The following SOD1 variants were observed in gnomAD, a reference collection of about 807,000 sequenced individuals.
SOD1 encodes the protein superoxide dismutase [Cu-Zn].
SOD1 carries 8 observed loss-of-function variants against 15.9 expected under a neutral mutation model. The ratio of observed to expected loss-of-function variants is 0.50; its 90% CI spans 0.30 to 0.91. The LOEUF is 0.91. Ranked by LOEUF, SOD1 falls within the 40% of genes least tolerant of loss-of-function variation. The pLI is 0.07. For synonymous variants in SOD1, 86 were observed against 71.2 expected (o/e 1.21, Z -1.04); for missense variants, 137 against 194.5 (o/e 0.70, Z 1.76).
rs549744846 is a variant in SOD1, at chr21:31,667,730, A to T, written c.357+355A>T. 4.6e-5 allele frequency among the ~76,000 whole-genome samples: 7 copies of T among 152,278 alleles called. No individual in the cohort carries two copies. The South Asian group carries it at 1.2e-3, about 27-fold the overall frequency. On this transcript the variant is annotated intron_variant, in intron 4 of 4. Transcript: ENST00000270142. ...TTGTTAAGTTTAAAACCTGGGATGG[A>T]CTTAAGTATTCATGTTCATTCATGT...
intron 2 of SOD1, among the ~76,000 whole-genome samples, 195 bp downstream of exon 2, chr21:31,664,081 A>T (rs981984855): frequency 2.6e-5 from 4 of 151,984 alleles, no homozygotes; most frequent in African/African-American, 9.7e-5. Context: ...GGCTCCATTG[A>T]TCCTCATGCC....
At chr21:31,667,400 A>G (rs1568810850) in intron 4 of SOD1, 25 bp downstream of exon 4, 3 of 1,452,594 alleles carry the variant, frequency 2.1e-6, no homozygotes, top group Non-Finnish European at 2.9e-6. Flanking sequence ...AAGGATATGC[A>G]TAAAACTTCT....
At chr21:31,666,877 T>A in intron 3 of SOD1, 30 of 374,578 alleles carry the variant, frequency 8.0e-5, no homozygotes, top group East Asian at 1.7e-4. Flanking sequence ...AAAAAAAAAA[T>A]TGATACTGAA....
At chr21:31,660,959 C>T (rs1254033412) in intron 1 of SOD1, among the ~76,000 whole-genome samples, 1 of 152,188 alleles carries the variant, frequency 6.6e-6, no homozygotes, top group Non-Finnish European at 1.5e-5. Context: ...AACTTCTGAA[C>T]GACTCTTGTA....
chr21:31,660,383 G>A (rs2049538214), intron 1 of SOD1: 1 of 152,242 alleles, frequency 6.6e-6, no homozygotes, highest in Admixed American at 6.5e-5. Context: ...ACAGCTCTAA[G>A]GCTAGGAATG....
intron 3 of SOD1, 197 bp from the exon 4 acceptor site, chr21:31,667,061 A>G (rs2049599816): frequency 1.6e-6 from 1 of 618,204 alleles, no homozygotes; most frequent in Admixed American, 2.5e-5. Context: ...GTACTTCTGA[A>G]ATCAGGTGCA....
intron 3 of SOD1, 57 bp from the exon 4 acceptor site, chr21:31,667,201 C>T (rs2049601364): frequency 1.5e-6 from 2 of 1,346,062 alleles, no homozygotes; most frequent in Non-Finnish European, 2.1e-6. Context: ...AGCTCATGAA[C>T]TACCTTGATG....
rs1395498224 is a variant in SOD1 at position 31,668,524 on chromosome 21, G to A, written c.411G>A (p.Lys137=). ...AAGGTGGAAATGAAGAAAGTACAAA[G>A]ACAGGAAACGCTGGAAGTCGTTTGG... ...LGKGGNEEST[K]TGNAGSRLAC... is the part of the protein sequence containing the mutation. The change falls in exon 5 of 5, where the codon AAG becomes AAA. Residue 137 remains lysine (K), a synonymous_variant. Transcript: ENST00000270142. 3 of 1,613,978 alleles carry A rather than the reference G, an allele frequency of 1.9e-6. No homozygotes were observed. Among genetic ancestry groups the A allele is most frequent in the Non-Finnish European group, 2.5e-6 (3 of 1,179,862 alleles).
chr21:31,661,473 C>CCCGGGTAG (rs1159018016), intron 1 of SOD1: 12 of 152,622 alleles, frequency 7.9e-5, no homozygotes, highest in African/African-American at 2.9e-4. Flanking sequence ...AAGCAATTCT[C>CCCGGGTAG]CTGCCTCAGC....
At chr21:31,667,644 G>A (rs2049607977) in intron 4 of SOD1, among the ~76,000 whole-genome samples, 1 of 152,192 alleles carries the variant, frequency 6.6e-6, no homozygotes, top group African/African-American at 2.4e-5. Context: ...GTAGTCTTTA[G>A]TTTTAAAATG....
rs1383464791 is a variant in SOD1, at chr21:31,659,941, C to A, written c.72+100C>A. On this transcript the variant is annotated intron_variant, in intron 1 of 4. Coordinates refer to ENST00000270142, the MANE Select transcript of SOD1 (RefSeq NM_000454.5). ...CGGGTCGCCCGCCAGGCCTCGGGGC[C>A]GCCCTGGTCCAGCGCCCGGTCCCGG... The A allele has an allele frequency of 4.9e-6, 6 of 1,231,636 alleles. No individual in the cohort carries two copies. The South Asian group carries it at 7.5e-5, about 15-fold the overall frequency. 76.3% of individuals were successfully genotyped at this position (1,231,636 alleles called of 1,614,324 possible).
At chr21:31,665,365 A>C (rs569558836) in intron 2 of SOD1, among the ~76,000 whole-genome samples, 9 of 152,264 alleles carry the variant, frequency 5.9e-5, no homozygotes, top group Non-Finnish European at 1.2e-4. Flanking sequence ...TTCTTAAATT[A>C]ACTTTATTCA....
chr21:31,666,337 G>A (rs561549175), intron 2 of SOD1, 112 bp from the exon 3 acceptor site: 48 of 768,214 alleles, frequency 6.2e-5, no homozygotes, highest in Non-Finnish European at 9.6e-5. Context: ...CCCAGAAGTC[G>A]TGATGCAGGT....
At position 31,668,543 on chromosome 21, in the gene SOD1, C is replaced by T. The variant is rs746397967; in HGVS notation, c.430C>T (p.Arg144Cys). 5 of 1,613,914 alleles carry T rather than the reference C, an allele frequency of 3.1e-6. No individual in the cohort carries two copies. The highest frequency in any genetic ancestry group is 2.2e-5 in the East Asian group (1 of 44,858). ...ESTKTGNAGS[R>C]LACGVIGIAQ ...TACAAAGACAGGAAACGCTGGAAGT[C>T]GTTTGGCTTGTGGTGTAATTGGGAT... is the stretch of plus-strand genomic sequence containing the variant. The change falls in exon 5 of 5, where the codon CGT becomes TGT. Residue 144 changes from arginine (R) to cysteine (C), a missense_variant. Physicochemically the swap from Arg to Cys is radical, Grantham distance 180 (BLOSUM62 -3). Transcript: ENST00000270142.
Position 31,659,717 on chromosome 21 carries a change from G to A in SOD1, c.-53G>A, listed in dbSNP as rs1302257299. The stretch of plus-strand genomic sequence containing the variant: ...TGCGTCGTAGTCTCCTGCAGCGTCT[G>A]GGGTTTCCGTTGCAGTCCTCGGAAC... On this transcript the variant is annotated 5_prime_UTR_variant, in exon 1 of 5. Transcript: ENST00000270142. 1.3e-6 allele frequency: 2 copies of A among 1,573,270 alleles called. No individual in the cohort carries two copies. The highest frequency in any genetic ancestry group is 1.7e-6 in the Non-Finnish European group (2 of 1,143,258).
At chr21:31,663,359 A>G (rs2049565815) in intron 1 of SOD1, among the ~76,000 whole-genome samples, 1 of 152,234 alleles carries the variant, frequency 6.6e-6, no homozygotes, top group Non-Finnish European at 1.5e-5. Context: ...AAACGTTTAC[A>G]TGTACATGTA....
At position 31,659,714 on chromosome 21, in the gene SOD1, T is replaced by G. The variant is rs535066119; in HGVS notation, c.-56T>G. 2.3e-5 allele frequency: 36 copies of G among 1,566,802 alleles called. No homozygotes were observed. The highest frequency in any genetic ancestry group is 2.8e-5 in the Non-Finnish European group (32 of 1,137,584). ...GTTTGCGTCGTAGTCTCCTGCAGCG[T>G]CTGGGGTTTCCGTTGCAGTCCTCGG... On this transcript the variant is annotated 5_prime_UTR_variant, in exon 1 of 5. Transcript: ENST00000270142.
At position 31,659,715 on chromosome 21, in the gene SOD1, C is replaced by A. The variant is rs16988395; in HGVS notation, c.-55C>A. On this transcript the variant is annotated 5_prime_UTR_variant, in exon 1 of 5. It adds an upstream start codon to the 5' untranslated region. Coordinates refer to ENST00000270142, the MANE Select transcript of SOD1 (RefSeq NM_000454.5). ...TTTGCGTCGTAGTCTCCTGCAGCGT[C>A]TGGGGTTTCCGTTGCAGTCCTCGGA... The A allele has an allele frequency of 1.9e-6, 3 of 1,571,704 alleles. No individual in the cohort carries two copies. Among genetic ancestry groups the A allele is most frequent in the South Asian group, 1.1e-5 (1 of 90,208 alleles).
In SOD1 at chr21:31,659,710, A is replaced by G. The variant is rs1053394936; in HGVS notation, c.-60A>G. 1.3e-5 allele frequency: 21 copies of G among 1,566,712 alleles called. No individual in the cohort carries two copies. The highest frequency in any genetic ancestry group is 8.3e-5 in the Admixed American group (5 of 59,902). On this transcript the variant is annotated 5_prime_UTR_variant, in exon 1 of 5. Transcript: ENST00000270142. ...GCTGGTTTGCGTCGTAGTCTCCTGC[A>G]GCGTCTGGGGTTTCCGTTGCAGTCC...
Sources: gnomAD v4.1 joint callset for allele counts (sites outside exome capture counted in the v4.1 genomes callset) on GRCh38, gnomAD v4.1.1 for gene constraint, MANE v1.5 for transcripts, NCBI Gene and HGNC (gene_info 2026-07-23, HGNC 2026-07-21) for gene names.